The following ISM1 variants were observed in gnomAD, a reference collection of about 807,000 sequenced individuals.
The protein encoded by ISM1 is isthmin-1.
In ISM1, 25 loss-of-function variants were observed where a neutral mutation model predicts 46.3. That is an observed-to-expected ratio of 0.54 (90% CI 0.39 to 0.75). ISM1 has a LOEUF of 0.75. ISM1 is among the 30% of genes least tolerant of loss of function. The pLI is 0.00. For synonymous variants in ISM1, 255 were observed against 256.7 expected (o/e 0.99, Z 0.06); for missense variants, 536 against 625.4 (o/e 0.86, Z 1.52).
chr20:13,312,772 A>G, the ISM1 span, among the ~76,000 whole-genome samples: 1 of 152,090 alleles, frequency 6.6e-6, no homozygotes, highest in African/African-American at 2.4e-5. Context: ...CATCTTTACA[A>G]TTTTTACAAA....
At position 13,259,280 on chromosome 20, in the gene ISM1, CA is replaced by C. The variant is rs60585146; in HGVS notation, c.139-11211del. 5.2e-3 allele frequency among the ~76,000 whole-genome samples: 604 copies of C among 116,584 alleles called. 4 individuals carry two copies. The highest frequency in any genetic ancestry group is 7.8e-3 in the Non-Finnish European group (427 of 54,704). 76.5% of individuals were successfully genotyped at this position (116,584 alleles called of 152,430 possible). A position where few individuals can be genotyped will look rare whatever the true frequency, so the allele number is the denominator to read the frequency against. ...TGGGCGACAGAGTGAGACTCTGTCT[CA>C]AAAAAAAAAAAACAAAAACAAAAGG... On this transcript the variant is annotated intron_variant, in intron 1 of 5. Coordinates refer to ENST00000262487, the MANE Select transcript of ISM1 (RefSeq NM_080826.2).
At chr20:13,305,538 C>A (rs1386340486), downstream of ISM1, among the ~76,000 whole-genome samples, 1 of 152,138 alleles carries the variant, frequency 6.6e-6, no homozygotes, top group African/African-American at 2.4e-5. Context: ...ATGTGTGGGT[C>A]GTCCCATTAT....
At chr20:13,314,920 A>C in the ISM1 span, among the ~76,000 whole-genome samples, 2 of 152,126 alleles carry the variant, frequency 1.3e-5, no homozygotes, top group Non-Finnish European at 2.9e-5. Context: ...GAATTATTAT[A>C]AGGTTCTCAC....
At chr20:13,224,841 C>CTTTTTTTTTT (rs1162270732) in intron 1 of ISM1, among the ~76,000 whole-genome samples, 4 of 107,256 alleles carry the variant, frequency 3.7e-5, no homozygotes, top group Non-Finnish European at 5.7e-5. Context: ...AGCTTTCTTT[C>CTTTTTTTTTT]TTTTTTTTTT....
chr20:13,307,676 T>C, the ISM1 span, among the ~76,000 whole-genome samples: 6 of 152,208 alleles, frequency 3.9e-5, no homozygotes, highest in African/African-American at 1.4e-4. Flanking sequence ...TTCGGGTAAA[T>C]GGAATCGTAC....
At chr20:13,297,546 C>T (rs913456153) in intron 5 of ISM1, among the ~76,000 whole-genome samples, 4 of 152,164 alleles carry the variant, frequency 2.6e-5, no homozygotes, top group Non-Finnish European at 5.9e-5. Context: ...AACCTGAAGT[C>T]CTGGACTCAG....
chr20:13,297,396 C>T (rs2040417328), intron 5 of ISM1, among the ~76,000 whole-genome samples: 1 of 152,166 alleles, frequency 6.6e-6, no homozygotes, highest in Non-Finnish European at 1.5e-5. Flanking sequence ...GTATTAGCTG[C>T]CCTCCCTTCT....
the ISM1 span, among the ~76,000 whole-genome samples, chr20:13,326,021 A>G: frequency 3.5e-4 from 53 of 152,290 alleles, no homozygotes; most frequent in East Asian, 7.0e-3. Context: ...TCTGTTTTCC[A>G]TCACTACAGT....
At chr20:13,294,200 C>CTTGA (rs1324306291) in intron 5 of ISM1, among the ~76,000 whole-genome samples, 1 of 152,054 alleles carries the variant, frequency 6.6e-6, no homozygotes, top group East Asian at 1.9e-4. Context: ...TTTTTAAATG[C>CTTGA]TTGATAGAAA....
chr20:13,298,809 A>C lies in ISM1; in HGVS notation c.878-133A>C, dbSNP rs530173673. 34 of 807,546 alleles carry C rather than the reference A, an allele frequency of 4.2e-5. No homozygotes were observed. In the East Asian group the frequency reaches 8.8e-4, roughly 21 times the overall value. The allele number at this position is 807,546 out of a possible 1,614,324, so 50.0% of individuals were successfully genotyped here. ...TCTGGCTCTAGGACAGGAGTTGTTGACTTCAGGGAGTTGTTGACTTTAGTG... is the reference window on the plus strand; with the variant it reads ...TCTGGCTCTAGGACAGGAGTTGTTGCCTTCAGGGAGTTGTTGACTTTAGTG... On this transcript the variant is annotated intron_variant, in intron 5 of 5. Transcript: ENST00000262487.
At chr20:13,266,699 G>C (rs2040046696) in intron 1 of ISM1, among the ~76,000 whole-genome samples, 1 of 152,206 alleles carries the variant, frequency 6.6e-6, no homozygotes, top group Admixed American at 6.5e-5. Flanking sequence ...ATTTTGGAAA[G>C]AATGGTCATG....
chr20:13,223,428 G>C (rs1000420228), intron 1 of ISM1, among the ~76,000 whole-genome samples: 2 of 152,156 alleles, frequency 1.3e-5, no homozygotes, highest in Admixed American at 1.3e-4. Context: ...ACATGGTACT[G>C]TTAATATAGC....
chr20:13,225,004 C>T (rs1240055098), intron 1 of ISM1, among the ~76,000 whole-genome samples: 5 of 145,764 alleles, frequency 3.4e-5, no homozygotes, highest in Non-Finnish European at 7.5e-5. Context: ...TGCCACCACG[C>T]CCGGCTAATT....
chr20:13,259,714 A>G (rs1286417111), intron 1 of ISM1, among the ~76,000 whole-genome samples: 2 of 152,258 alleles, frequency 1.3e-5, no homozygotes, highest in Non-Finnish European at 2.9e-5. Flanking sequence ...CTATATCTAC[A>G]GAATGAAAAT....
intron 1 of ISM1, among the ~76,000 whole-genome samples, chr20:13,234,188 C>T (rs369663864): frequency 4.6e-5 from 7 of 152,242 alleles, no homozygotes; most frequent in African/African-American, 4.8e-5. Context: ...CATTGTTTAG[C>T]CCCCACTTAT....
intron 1 of ISM1, among the ~76,000 whole-genome samples, chr20:13,258,012 G>A (rs902296040): frequency 2.6e-5 from 4 of 152,136 alleles, no homozygotes; most frequent in Admixed American, 2.0e-4. Flanking sequence ...ATCTGTGGAA[G>A]AGGGGCACTC....
At chr20:13,247,517 G>GTGTGTGT (rs1555810245) in intron 1 of ISM1, among the ~76,000 whole-genome samples, 10 of 139,806 alleles carry the variant, frequency 7.2e-5, no homozygotes, top group African/African-American at 2.7e-4. Context: ...CAAAGTGAGG[G>GTGTGTGT]GTGTGTGTGT....
At chr20:13,279,553 C>T (rs2040215169) in intron 2 of ISM1, 81 bp from the exon 3 acceptor site, 1 of 1,388,930 alleles carries the variant, frequency 7.2e-7, no homozygotes, top group Non-Finnish European at 9.8e-7. Context: ...TCCCTCTGCC[C>T]TCTCAGACTT....
At chr20:13,293,960 G>A (rs2040380858) in intron 5 of ISM1, among the ~76,000 whole-genome samples, 1 of 151,650 alleles carries the variant, frequency 6.6e-6, no homozygotes. Flanking sequence ...GGCAACAAGA[G>A]TGAAACTCCA....
Sources: allele counts gnomAD v4.1 joint callset (sites outside exome capture counted in the v4.1 genomes callset), GRCh38; gene constraint gnomAD v4.1.1; transcripts MANE v1.5; gene names NCBI Gene and HGNC (gene_info 2026-07-23, HGNC 2026-07-21).